The following SLC49A4 variants were observed in gnomAD, a reference collection of about 807,000 sequenced individuals.
SLC49A4 encodes solute carrier family 49 member 4, also known as disrupted in renal cancer protein 2.
A neutral mutation model predicts 50.6 loss-of-function variants in SLC49A4; 36 were observed. That is an observed-to-expected ratio of 0.71 (90% CI 0.55 to 0.94). The LOEUF (loss-of-function observed/expected upper bound fraction) is 0.94. Among genes scored for constraint, SLC49A4 ranks in the 40% least tolerant of loss-of-function variants. The pLI, the probability that SLC49A4 is intolerant of heterozygous loss-of-function variation, is 0.00. For synonymous variants in SLC49A4, 248 were observed against 241.2 expected (o/e 1.03, Z -0.26); for missense variants, 503 against 605.7 (o/e 0.83, Z 1.78).
intron 8 of SLC49A4, among the ~76,000 whole-genome samples, chr3:122,876,791 C>T (rs150531240): frequency 2.6e-5 from 4 of 152,302 alleles, no homozygotes; most frequent in African/African-American, 9.6e-5. Context: ...TGAGCAAAAT[C>T]CCAATTAATT....
intron 4 of SLC49A4, among the ~76,000 whole-genome samples, chr3:122,835,846 T>TA (rs1159306769): frequency 1.3e-5 from 2 of 152,082 alleles, no homozygotes; most frequent in Non-Finnish European, 2.9e-5. Context: ...ATCATATACC[T>TA]AAAAAACCCT....
At chr3:122,834,451 G>T (rs1322814190) in intron 4 of SLC49A4, among the ~76,000 whole-genome samples, 1 of 152,096 alleles carries the variant, frequency 6.6e-6, no homozygotes, top group Non-Finnish European at 1.5e-5. Context: ...TAAACAATCT[G>T]CTCCTGAATG....
At chr3:122,858,336 C>T (rs1445214541) in intron 6 of SLC49A4, among the ~76,000 whole-genome samples, 1 of 152,200 alleles carries the variant, frequency 6.6e-6, no homozygotes, top group Non-Finnish European at 1.5e-5. Context: ...TTCTCTTATA[C>T]CTTGTCATCT....
intron 5 of SLC49A4, among the ~76,000 whole-genome samples, chr3:122,850,308 A>G (rs1936908963): frequency 6.6e-6 from 1 of 152,198 alleles, no homozygotes; most frequent in African/African-American, 2.4e-5. Flanking sequence ...AAATACCACT[A>G]CTAAAAACAG....
chr3:122,813,677 C>A (rs550945180), intron 2 of SLC49A4, among the ~76,000 whole-genome samples: 2 of 152,026 alleles, frequency 1.3e-5, no homozygotes, highest in East Asian at 3.9e-4. Flanking sequence ...CGCTTAATAC[C>A]AAAGGGGCAA....
intron 2 of SLC49A4, among the ~76,000 whole-genome samples, chr3:122,818,943 T>C (rs1576295014): frequency 1.4e-5 from 2 of 144,404 alleles, no homozygotes; most frequent in Admixed American, 1.4e-4. Context: ...TGAGATTCTG[T>C]CCCCCCCAAA....
chr3:122,832,926 A>G (rs1936626672), intron 3 of SLC49A4, among the ~76,000 whole-genome samples: 1 of 152,180 alleles, frequency 6.6e-6, no homozygotes, highest in African/African-American at 2.4e-5. Context: ...TATTTGTTAG[A>G]TAAATAAATA....
At chr3:122,819,263 A>G (rs1936419010) in intron 2 of SLC49A4, among the ~76,000 whole-genome samples, 1 of 151,762 alleles carries the variant, frequency 6.6e-6, no homozygotes, top group Non-Finnish European at 1.5e-5. Flanking sequence ...AAAAAAAAAA[A>G]ATCCTGTGAG....
At chr3:122,795,717 A>G (rs1936022398) in intron 1 of SLC49A4, among the ~76,000 whole-genome samples, 182 bp downstream of exon 1, 1 of 152,238 alleles carries the variant, frequency 6.6e-6, no homozygotes, top group East Asian at 1.9e-4. Context: ...ACAAATATGG[A>G]AAGGCAACCT....
At chr3:122,816,061 C>T (rs1363507253) in intron 2 of SLC49A4, among the ~76,000 whole-genome samples, 1 of 152,144 alleles carries the variant, frequency 6.6e-6, no homozygotes, top group Middle Eastern at 3.2e-3. Flanking sequence ...CTTTACTTTA[C>T]CAGCTTGGGT....
intron 2 of SLC49A4, among the ~76,000 whole-genome samples, chr3:122,808,334 G>A (rs1936252158): frequency 6.6e-6 from 1 of 152,130 alleles, no homozygotes; most frequent in Non-Finnish European, 1.5e-5. Context: ...AAATAGGAAA[G>A]AAGGATATGA....
chr3:122,813,213 C>A (rs933638002), intron 2 of SLC49A4, among the ~76,000 whole-genome samples: 3 of 149,828 alleles, frequency 2.0e-5, no homozygotes, highest in Non-Finnish European at 4.4e-5. Flanking sequence ...TGCACTCTAC[C>A]CTGGGCGATA....
chr3:122,795,864 A>T (rs1020596929), intron 1 of SLC49A4, among the ~76,000 whole-genome samples: 1 of 152,232 alleles, frequency 6.6e-6, no homozygotes, highest in African/African-American at 2.4e-5. Flanking sequence ...TTTACACCTG[A>T]CAAAAATGAC....
At chr3:122,860,508 TA>T (rs1937047814) in intron 7 of SLC49A4, among the ~76,000 whole-genome samples, 1 of 152,226 alleles carries the variant, frequency 6.6e-6, no homozygotes, top group Non-Finnish European at 1.5e-5. Flanking sequence ...TTATCTTGGT[TA>T]TAGTCATTAT....
chr3:122,860,033 T>G, intron 6 of SLC49A4, 42 bp from the exon 7 acceptor site: 1 of 1,528,862 alleles, frequency 6.5e-7, no homozygotes, highest in Middle Eastern at 1.7e-4. Context: ...TAAATAGTAT[T>G]TTTAAATCCC....
chr3:122,819,157 A>C (rs148914442), intron 2 of SLC49A4, among the ~76,000 whole-genome samples: 2 of 149,876 alleles, frequency 1.3e-5, no homozygotes, highest in African/African-American at 4.9e-5. Flanking sequence ...AAGTGGGAGG[A>C]TCACTTGAGC....
At chr3:122,852,059 T>C (rs1411183784) in intron 5 of SLC49A4, among the ~76,000 whole-genome samples, 2 of 150,672 alleles carry the variant, frequency 1.3e-5, no homozygotes, top group African/African-American at 4.9e-5. Flanking sequence ...AGCGGCGTGA[T>C]CAGCTCACTG....
chr3:122,841,211 A>G (rs1936765000), intron 4 of SLC49A4, among the ~76,000 whole-genome samples: 1 of 152,202 alleles, frequency 6.6e-6, no homozygotes, highest in South Asian at 2.1e-4. Context: ...GTCTTTTAAT[A>G]TTATTCACTT....
intron 2 of SLC49A4, among the ~76,000 whole-genome samples, chr3:122,820,184 T>C (rs967837633): frequency 2.6e-5 from 4 of 152,192 alleles, no homozygotes; most frequent in African/African-American, 4.8e-5. Flanking sequence ...CAGTAATTTT[T>C]TTTATTATTA....
Sources: gnomAD v4.1 joint callset for allele counts (sites outside exome capture counted in the v4.1 genomes callset) on GRCh38, gnomAD v4.1.1 for gene constraint, MANE v1.5 for transcripts, NCBI Gene and HGNC (gene_info 2026-07-23, HGNC 2026-07-21) for gene names.